ZNF536: variants seen among roughly 807,000 people sequenced by gnomAD.
ZNF536 encodes the protein zinc finger protein 536.
A neutral mutation model predicts 84.5 loss-of-function variants in ZNF536; 13 were observed. That is an observed-to-expected ratio of 0.15 (90% CI 0.10 to 0.24). ZNF536 has a LOEUF of 0.24. Among genes scored for constraint, ZNF536 ranks in the 10% least tolerant of loss-of-function variants. ZNF536 has a pLI of 1.00. For missense variants in ZNF536, 1,536 were observed against 1,747.5 expected (o/e 0.88, Z 2.16); for synonymous variants, 811 against 742.5 (o/e 1.09, Z -1.50).
rs1217504300 is a variant in ZNF536 at position 30,548,497 on chromosome 19, A to G, written c.2878A>G (p.Ser960Gly). 5.6e-6 allele frequency: 9 copies of G among 1,614,168 alleles called. No homozygotes were observed. The highest frequency in any genetic ancestry group is 1.7e-5 in the Admixed American group (1 of 60,038). The change falls in exon 4 of 5, where the codon AGT becomes GGT. Residue 960 changes from serine (S) to glycine (G), a missense_variant. By Grantham distance (56) the Ser-to-Gly change is moderately conservative. Coordinates refer to ENST00000355537, the MANE Select transcript of ZNF536 (RefSeq NM_014717.3). ...AGTGGATGGTGGTGAGGAGAAACCCAGTGGCAAGTCCTCCCAGAGGAAGTC... is the reference window on the plus strand; with the variant it reads ...AGTGGATGGTGGTGAGGAGAAACCCGGTGGCAAGTCCTCCCAGAGGAAGTC... ...HGVDGGEEKP[S>G]GKSSQRKSEK...
intron 3 of ZNF536, among the ~76,000 whole-genome samples, chr19:30,359,352 G>A (rs2048197912): frequency 1.3e-5 from 2 of 152,182 alleles, no homozygotes; most frequent in African/African-American, 2.4e-5. Flanking sequence ...CTGGTCTGGA[G>A]TGTATGAGGT....
At chr19:30,573,535 G>T (rs1471151970) in intron 1 of ZNF536, among the ~76,000 whole-genome samples, 2 of 152,060 alleles carry the variant, frequency 1.3e-5, no homozygotes, top group African/African-American at 4.8e-5. Context: ...TTAGAAGATT[G>T]GTCATAGACT....
intron 2 of ZNF536, among the ~76,000 whole-genome samples, chr19:30,476,826 G>A (rs548342042): frequency 1.3e-5 from 2 of 152,294 alleles, no homozygotes; most frequent in East Asian, 1.9e-4. Context: ...GTCTCACTGG[G>A]CCTGCCTGCC....
intron 2 of ZNF536, among the ~76,000 whole-genome samples, chr19:30,528,267 T>C (rs1876946436): frequency 6.6e-6 from 1 of 152,290 alleles, no homozygotes; most frequent in Admixed American, 6.5e-5. Flanking sequence ...AATGTACTTC[T>C]GGGCATCTGA....
chr19:30,658,881 CAG>C (rs2050016083), intron 1 of ZNF536, among the ~76,000 whole-genome samples: 1 of 152,220 alleles, frequency 6.6e-6, no homozygotes, highest in African/African-American at 2.4e-5. Flanking sequence ...AGAAAATATA[CAG>C]AGACATAAAC....
intron 1 of ZNF536, among the ~76,000 whole-genome samples, chr19:30,237,775 C>CTTT (rs36015370): frequency 1.4e-5 from 2 of 147,554 alleles, no homozygotes; most frequent in East Asian, 2.0e-4. Context: ...TCTATAAGTT[C>CTTT]TTTTTTTTTT....
downstream of ZNF536, among the ~76,000 whole-genome samples, chr19:30,560,656 A>G (rs1347203283): frequency 1.3e-5 from 2 of 152,230 alleles, no homozygotes; most frequent in Admixed American, 6.5e-5. Flanking sequence ...AGGCCAAGGA[A>G]GGGCAGAGTG....
intron 1 of ZNF536, among the ~76,000 whole-genome samples, chr19:30,666,605 G>A (rs2050329546): frequency 6.6e-6 from 1 of 152,138 alleles, no homozygotes; most frequent in Middle Eastern, 3.4e-3. Context: ...ACAGCTCCGG[G>A]CTCTGGGGGT....
rs1167533330 is a variant in ZNF536, at chr19:30,516,597, C to A, written c.2171-18250C>A. On this transcript the variant is annotated intron_variant, in intron 2 of 4. Transcript: ENST00000355537. ...ACGGAAAGGTCAACCCACATGTGTT[C>A]ATTGAGTGACTCTGTGGGCCAGCCC... Among the ~76,000 whole-genome samples the A allele has an allele frequency of 2.6e-5, 4 of 152,302 alleles. No individual in the cohort carries two copies. The South Asian group carries it at 8.3e-4, about 32-fold the overall frequency.
chr19:30,520,271 G>A (rs759823960), intron 2 of ZNF536, among the ~76,000 whole-genome samples: 1 of 152,208 alleles, frequency 6.6e-6, no homozygotes, highest in Non-Finnish European at 1.5e-5. Flanking sequence ...ATCAGGGCAT[G>A]TGTTCTCGGG....
At chr19:30,563,801 C>T (rs578146525) in intron 1 of ZNF536, among the ~76,000 whole-genome samples, 4 of 152,244 alleles carry the variant, frequency 2.6e-5, no homozygotes, top group African/African-American at 7.2e-5. Context: ...CTGGGCGTGA[C>T]GGATGCTCTA....
At chr19:30,680,075 G>C (rs1002237253) in intron 1 of ZNF536, among the ~76,000 whole-genome samples, 1 of 152,062 alleles carries the variant, frequency 6.6e-6, no homozygotes, top group Non-Finnish European at 1.5e-5. Flanking sequence ...CCAAAGAGGG[G>C]TCAGGCTGAG....
chr19:30,253,473 A>T (rs1266701424), intron 1 of ZNF536, among the ~76,000 whole-genome samples: 1 of 152,212 alleles, frequency 6.6e-6, no homozygotes, highest in East Asian at 1.9e-4. Context: ...GCGTTCTGTC[A>T]TCAGGGCTGT....
chr19:30,481,708 G>T (rs1485536318), intron 2 of ZNF536, among the ~76,000 whole-genome samples: 1 of 151,962 alleles, frequency 6.6e-6, no homozygotes, highest in African/African-American at 2.4e-5. Context: ...TTGGGGAACG[G>T]GTGGCTTTTG....
chr19:30,563,030 A>C (rs2046227858), downstream of ZNF536, among the ~76,000 whole-genome samples: 1 of 152,214 alleles, frequency 6.6e-6, no homozygotes, highest in Non-Finnish European at 1.5e-5. Flanking sequence ...TTAAGAGAAT[A>C]AAGTGAATAT....
At chr19:30,479,650 G>A (rs563828701) in intron 2 of ZNF536, among the ~76,000 whole-genome samples, 14 of 152,294 alleles carry the variant, frequency 9.2e-5, no homozygotes, top group Admixed American at 1.3e-4. Context: ...GGCCACCTGC[G>A]CTTGTTCCAT....
At chr19:30,597,075 A>C (rs2146874167) in intron 1 of ZNF536, among the ~76,000 whole-genome samples, 2 of 152,196 alleles carry the variant, frequency 1.3e-5, no homozygotes. Context: ...TAATCCCTTA[A>C]ATGTGCTAGG....
At chr19:30,642,764 C>G (rs1295766097) in intron 1 of ZNF536, among the ~76,000 whole-genome samples, 1 of 152,110 alleles carries the variant, frequency 6.6e-6, no homozygotes, top group Non-Finnish European at 1.5e-5. Context: ...TGCAAAGGCT[C>G]TGTCTGAGGG....
At chr19:30,326,275 G>A (rs944132588) in intron 2 of ZNF536, among the ~76,000 whole-genome samples, 1 of 152,194 alleles carries the variant, frequency 6.6e-6, no homozygotes, top group African/African-American at 2.4e-5. Flanking sequence ...CAATGCTGTT[G>A]GGGGAGGCCT....
Sources: gnomAD v4.1 joint callset for allele counts (sites outside exome capture counted in the v4.1 genomes callset) on GRCh38, gnomAD v4.1.1 for gene constraint, MANE v1.5 for transcripts, NCBI Gene and HGNC (gene_info 2026-07-23, HGNC 2026-07-21) for gene names.